Variants in PRMT8 observed in about 807,000 individuals in gnomAD.
PRMT8 encodes the protein protein arginine N-methyltransferase 8.
In PRMT8, 7 loss-of-function variants were observed where a neutral mutation model predicts 47.1. That is an observed-to-expected ratio of 0.15 (90% CI 0.08 to 0.28). The LOEUF is 0.28. Ranked by LOEUF, PRMT8 falls within the 10% of genes least tolerant of loss-of-function variation. PRMT8 has a pLI of 1.00. For missense variants in PRMT8, 237 were observed against 505.4 expected, an observed-to-expected ratio of 0.47 and a Z score of 5.09; for synonymous variants, 188 against 186.5, an observed-to-expected ratio of 1.01 and a Z score of -0.07.
intron 1 of PRMT8, among the ~76,000 whole-genome samples, chr12:3,498,449 C>A (rs982517930): frequency 2.6e-5 from 4 of 152,262 alleles, no homozygotes; most frequent in African/African-American, 9.6e-5. Context: ...TTTTCCAGGA[C>A]GTCTTTTCTT....
At chr12:3,390,022 C>A (rs1864178556) in intron 1 of PRMT8, among the ~76,000 whole-genome samples, 1 of 152,268 alleles carries the variant, frequency 6.6e-6, no homozygotes, top group Admixed American at 6.5e-5. Flanking sequence ...TGAGCCTCCT[C>A]CAAGGCTGCC....
intron 1 of PRMT8, among the ~76,000 whole-genome samples, chr12:3,495,606 C>T (rs1035705303): frequency 1.3e-5 from 2 of 152,184 alleles, no homozygotes; most frequent in Admixed American, 1.3e-4. Context: ...TCTCACTTTT[C>T]CTATTGCAAG....
chr12:3,390,966 A>G (rs1262522474), intron 1 of PRMT8, among the ~76,000 whole-genome samples: 1 of 152,208 alleles, frequency 6.6e-6, no homozygotes, highest in Non-Finnish European at 1.5e-5. Flanking sequence ...TGCCAATTAC[A>G]CTAGTAGGAG....
rs1434357531 is a variant in PRMT8, at chr12:3,535,161, G to A, written c.76-5445G>A. Reference sequence around the variant, plus strand: ...GAAATCCGACCCACCCTTCAAGGACGAGCTCACAAGCTCACATGCCCCTTC... The same window carrying A: ...GAAATCCGACCCACCCTTCAAGGACAAGCTCACAAGCTCACATGCCCCTTC... On this transcript the variant is annotated intron_variant, in intron 1 of 9. Coordinates refer to ENST00000382622, the MANE Select transcript of PRMT8 (RefSeq NM_019854.5). This position sits in a 1 kb window ranked among gnomAD's most constrained non-coding sequence, Gnocchi z 4.7. Among the ~76,000 whole-genome samples the A allele has an allele frequency of 2.6e-5, 4 of 152,116 alleles. No individual in the cohort carries two copies. The highest frequency in any genetic ancestry group is 4.4e-5 in the Non-Finnish European group (3 of 68,038).
At position 3,432,679 on chromosome 12, in the gene PRMT8, T is replaced by A. The variant is rs12579604; in HGVS notation, c.48+51237T>A. 8.5e-4 allele frequency among the ~76,000 whole-genome samples: 129 copies of A among 152,202 alleles called. 3 individuals are homozygous for A. The East Asian group carries it at 0.02, about 23-fold the overall frequency. ...TGCAGGTCTCGGTGCCTGCCTGGCC[T>A]TCCATTCTAGGTGCTCATCTTTATG... On this transcript the variant is annotated intron_variant, in intron 1 of 9. Coordinates refer to the PRMT8 transcript ENST00000452611.
intron 1 of PRMT8, among the ~76,000 whole-genome samples, chr12:3,496,637 C>G (rs1591571576): frequency 2.0e-5 from 3 of 151,674 alleles, no homozygotes; most frequent in African/African-American, 4.8e-5. Context: ...TGTCTCTGGG[C>G]CTTTTAAGAT....
chr12:3,491,582 TCC>T lies in PRMT8; in HGVS notation c.-43_-42del. On this transcript the variant is annotated 5_prime_UTR_variant, in exon 1 of 10. Transcript: ENST00000382622. Reference sequence around the variant, plus strand: ...CTTTTAAAGCGACACCAGCTCTCTCTCCTCCTCTACTATCTCGGTATCACCAA... The same window carrying T: ...CTTTTAAAGCGACACCAGCTCTCTCTTCCTCTACTATCTCGGTATCACCAA... The T allele has an allele frequency of 5.6e-6, 9 of 1,594,254 alleles. No individual in the cohort carries two copies. The highest frequency in any genetic ancestry group is 7.7e-6 in the Non-Finnish European group (9 of 1,171,858).
Position 3,539,848 on chromosome 12 carries a change from G to A in PRMT8, c.76-758G>A, listed in dbSNP as rs1046350113. On this transcript the variant is annotated intron_variant, in intron 1 of 9. Coordinates refer to ENST00000382622, the MANE Select transcript of PRMT8 (RefSeq NM_019854.5). ...TGGGTATCCACAGTGCTGAATTCAG[G>A]GTAGAACTGTGAATCAGAAACTAGG... Among the ~76,000 whole-genome samples the A allele has an allele frequency of 2.0e-5, 3 of 152,134 alleles. No homozygotes were observed. The East Asian group carries it at 5.8e-4, about 29-fold the overall frequency.
Position 3,557,255 on chromosome 12 carries a change from C to T in PRMT8, c.481+3541C>T, listed in dbSNP as rs1020157586. 2.0e-5 allele frequency among the ~76,000 whole-genome samples: 3 copies of T among 151,928 alleles called. No homozygotes were observed. The highest frequency in any genetic ancestry group is 1.9e-4 in the East Asian group (1 of 5,192). On this transcript the variant is annotated intron_variant, in intron 4 of 9. Transcript: ENST00000382622. The surrounding 1 kb of genome is among the most constrained non-coding windows in gnomAD (Gnocchi z 4.7). ...CTTACCACTCTCAGGAGCTCGAGTGCGATTGGAGTAGAAGGTTGCCGGGAT... is the reference window on the plus strand; with the variant it reads ...CTTACCACTCTCAGGAGCTCGAGTGTGATTGGAGTAGAAGGTTGCCGGGAT...
intron 1 of PRMT8, among the ~76,000 whole-genome samples, chr12:3,480,651 T>TC (rs5796056): frequency 0.79 from 119,620 of 151,856 alleles, 47,414 homozygotes; most frequent in African/African-American, 0.87. Context: ...CAGTGCTTCC[T>TC]CCCCCCACCG....
chr12:3,491,153 C>T (rs1275921993), upstream of PRMT8: 3 of 986,512 alleles, frequency 3.0e-6, no homozygotes, highest in Non-Finnish European at 3.6e-6. Context: ...TCCTACCCCG[C>T]CCCCACTCAC....
intron 1 of PRMT8, among the ~76,000 whole-genome samples, chr12:3,496,229 T>A (rs1349980477): frequency 0.013 from 1,702 of 126,954 alleles, 155 homozygotes; most frequent in African/African-American, 0.048. Flanking sequence ...TTTTTTTTTT[T>A]TTTTTTTTTT....
At chr12:3,558,577 T>C (rs1425916716) in intron 4 of PRMT8, among the ~76,000 whole-genome samples, 1 of 152,242 alleles carries the variant, frequency 6.6e-6, no homozygotes, top group Non-Finnish European at 1.5e-5. Context: ...TTGTCATGAC[T>C]GGTTCCCTTC....
At chr12:3,540,532 A>G (rs1347024530) in intron 1 of PRMT8, 74 bp from the exon 2 acceptor site, 2 of 1,022,176 alleles carry the variant, frequency 2.0e-6, no homozygotes, top group Admixed American at 1.9e-5. Context: ...GGGGGAAGGA[A>G]AGAGGACCGC....
intron 1 of PRMT8, among the ~76,000 whole-genome samples, chr12:3,533,801 C>T (rs1272180808): frequency 6.6e-6 from 1 of 152,256 alleles, no homozygotes; most frequent in African/African-American, 2.4e-5. Context: ...CAATGCCCAG[C>T]AGAGCCCTTG....
At chr12:3,523,874 C>T (rs1174726215) in intron 1 of PRMT8, among the ~76,000 whole-genome samples, 1 of 152,268 alleles carries the variant, frequency 6.6e-6, no homozygotes, top group Non-Finnish European at 1.5e-5. Context: ...CCTTCTGCCT[C>T]TCTATGCAGG....
At chr12:3,475,656 G>A (rs1029632136) in intron 1 of PRMT8, among the ~76,000 whole-genome samples, 2 of 152,168 alleles carry the variant, frequency 1.3e-5, no homozygotes, top group African/African-American at 4.8e-5. Context: ...TAACAGAAGT[G>A]GAGGCAGATT....
intron 1 of PRMT8, among the ~76,000 whole-genome samples, chr12:3,530,758 G>A (rs892306186): frequency 2.6e-5 from 4 of 152,208 alleles, no homozygotes; most frequent in African/African-American, 9.6e-5. Flanking sequence ...GGCCCAGAGA[G>A]CATCTAAAGA....
At chr12:3,523,514 C>G (rs984101402) in intron 1 of PRMT8, among the ~76,000 whole-genome samples, 1 of 152,044 alleles carries the variant, frequency 6.6e-6, no homozygotes. Flanking sequence ...ACCAGACAAC[C>G]CTAAGAGAGT....
Sources: allele counts gnomAD v4.1 joint callset (sites outside exome capture counted in the v4.1 genomes callset), GRCh38; gene constraint gnomAD v4.1.1; non-coding constraint Gnocchi (gnomAD v3.1); transcripts MANE v1.5; gene names NCBI Gene and HGNC (gene_info 2026-07-23, HGNC 2026-07-21).